KNDC1: variants seen among roughly 807,000 people sequenced by gnomAD.
KNDC1 encodes the protein kinase non-catalytic C-lobe domain-containing protein 1.
Under a neutral mutation model 172.8 loss-of-function variants are expected in KNDC1, and 106 were observed. The observed-to-expected ratio is 0.61, with a 90% CI of 0.52 to 0.72. The LOEUF (loss-of-function observed/expected upper bound fraction) is 0.72. Among genes scored for constraint, KNDC1 ranks in the 30% least tolerant of loss-of-function variants. The pLI is 0.00. For missense variants in KNDC1, 2,325 were observed against 2,394.5 expected (o/e 0.97, Z 0.61); for synonymous variants, 1,083 against 1,062.2 (o/e 1.02, Z -0.38).
rs1333690348 is a variant in KNDC1, at chr10:133,226,136, A to G, written c.*1246A>G. The G allele has an allele frequency of 2.0e-5, 3 of 152,226 alleles. No homozygotes were observed. Among genetic ancestry groups the G allele is most frequent in the Admixed American group, 6.5e-5 (1 of 15,286 alleles). 9.4% of individuals were successfully genotyped at this position (152,226 alleles called of 1,614,324 possible). On this transcript the variant is annotated 3_prime_UTR_variant, in exon 30 of 30. Coordinates refer to ENST00000304613, the MANE Select transcript of KNDC1 (RefSeq NM_152643.8). ...GTTTTCCCACATAAATTCACCGGAG[A>G]CATCCGGGCCCCGCTTCGATGTAAC...
Position 133,201,614 on chromosome 10 carries a change from C to G in KNDC1, c.3103C>G (p.Arg1035Gly). The G allele has an allele frequency of 6.2e-7, 1 of 1,613,094 alleles. No individual in the cohort carries two copies. The highest frequency in any genetic ancestry group is 8.5e-7 in the Non-Finnish European group (1 of 1,179,978). The change falls in exon 17 of 30, where the codon CGG (arginine) becomes GGG (glycine). Residue 1035 changes from arginine (R) to glycine (G), a missense_variant. Physicochemically the swap from Arg to Gly is moderately radical, Grantham distance 125. Coordinates refer to ENST00000304613, the MANE Select transcript of KNDC1 (RefSeq NM_152643.8). The stretch of plus-strand genomic sequence containing the variant: ...ACGGGGAAACTTCGAGGTGGGGTTT[C>G]GGCCTCAGAGGTCCGTAAAAGCCGA... ...LSRGNFEVGF[R>G]PQRSVKAERA...
Position 133,167,470 on chromosome 10 carries a change from G to A in KNDC1, c.192G>A (p.Leu64=). 1 of 1,606,766 alleles carries A rather than the reference G, an allele frequency of 6.2e-7. No individual in the cohort carries two copies. Among genetic ancestry groups the A allele is most frequent in the Non-Finnish European group, 8.5e-7 (1 of 1,177,580 alleles). The change falls in exon 2 of 30, where the codon CTG becomes CTA. Residue 64 remains leucine (L), a synonymous_variant. Coordinates refer to ENST00000304613, the MANE Select transcript of KNDC1 (RefSeq NM_152643.8). ...EAWAVCLECS[L]SMRSVAHAAI... is the part of the protein sequence containing the mutation. Reference sequence around the variant, plus strand: ...GGGCCGTGTGCCTGGAGTGCAGCCTGTCCATGCGGAGCGTGGCCCACGCCG... The same window carrying A: ...GGGCCGTGTGCCTGGAGTGCAGCCTATCCATGCGGAGCGTGGCCCACGCCG...
At chr10:133,187,950 AC>A (rs1853968192) in intron 6 of KNDC1, among the ~76,000 whole-genome samples, 1 of 88,396 alleles carries the variant, frequency 1.1e-5, no homozygotes. Context: ...ACCCCGTCCC[AC>A]CCTTCCCCTC....
rs985679785 is a variant in KNDC1, at chr10:133,199,561, C to T, written c.2862C>T (p.Asn954=). The T allele has an allele frequency of 6.8e-6, 11 of 1,613,732 alleles. No individual in the cohort carries two copies. Among genetic ancestry groups the T allele is most frequent in the Non-Finnish European group, 9.3e-6 (11 of 1,180,010 alleles). ...DLYWDEKLLQ[N]LFKVVNGQAS... is the part of the protein sequence containing the mutation. ...ACTGGGATGAGAAGTTGCTGCAGAACCTCTTTAAGGTGGTCAACGGGCAGG... is the reference window on the plus strand; with the variant it reads ...ACTGGGATGAGAAGTTGCTGCAGAATCTCTTTAAGGTGGTCAACGGGCAGG... The change falls in exon 15 of 30, where the codon AAC becomes AAT. Residue 954 remains asparagine, a synonymous_variant. Coordinates refer to ENST00000304613, the MANE Select transcript of KNDC1 (RefSeq NM_152643.8).
chr10:133,187,392 G>T (rs1214219018), intron 6 of KNDC1, among the ~76,000 whole-genome samples: 1 of 152,238 alleles, frequency 6.6e-6, no homozygotes, highest in Non-Finnish European at 1.5e-5. Flanking sequence ...GCCCTCCTTG[G>T]CTCCTCAGTG....
chr10:133,174,678 G>A lies in KNDC1; in HGVS notation c.360+6366G>A, dbSNP rs1447142096. Among the ~76,000 whole-genome samples, 3 of 151,914 alleles carry A rather than the reference G, an allele frequency of 2.0e-5. No individual in the cohort carries two copies. The East Asian group carries it at 5.8e-4, about 29-fold the overall frequency. On this transcript the variant is annotated intron_variant, in intron 3 of 29. Coordinates refer to ENST00000304613, the MANE Select transcript of KNDC1 (RefSeq NM_152643.8). ...TGAATGGACAGATGATGGTGGATATGTGGATGGATGGGTGGGTAGATAGGT... is the reference window on the plus strand; with the variant it reads ...TGAATGGACAGATGATGGTGGATATATGGATGGATGGGTGGGTAGATAGGT...
chr10:133,211,439 C>T lies in KNDC1; in HGVS notation c.3926C>T (p.Thr1309Ile). 1.9e-6 allele frequency: 3 copies of T among 1,613,400 alleles called. No homozygotes were observed. The highest frequency in any genetic ancestry group is 2.5e-6 in the Non-Finnish European group (3 of 1,179,756). ...STLTRAHQDPTSTFTKIYRRS... is the reference protein window; with the variant it reads ...STLTRAHQDPISTFTKIYRRS... ...GTCTCCAGGGCCCACCAGGACCCCA[C>T]CTCGACCTTCACCAAGATCTACAGG... The change falls in exon 22 of 30, where the codon ACC (threonine) becomes ATC (isoleucine). Residue 1309 changes from threonine (T) to isoleucine (I), a missense_variant. Coordinates refer to ENST00000304613, the MANE Select transcript of KNDC1 (RefSeq NM_152643.8).
chr10:133,214,223 T>A, intron 26 of KNDC1, 101 bp downstream of exon 26: 1 of 1,278,842 alleles, frequency 7.8e-7, no homozygotes, highest in Non-Finnish European at 1.1e-6. Context: ...CCTCTCCCAA[T>A]GCAGTGAACC....
At chr10:133,221,640 C>T (rs1291129630) in intron 29 of KNDC1, among the ~76,000 whole-genome samples, 2 of 152,238 alleles carry the variant, frequency 1.3e-5, no homozygotes, top group East Asian at 3.8e-4. Context: ...CTCAGCGGAC[C>T]AGGTGCCCAT....
chr10:133,179,075 A>G (rs975475506), intron 3 of KNDC1: 1 of 152,178 alleles, frequency 6.6e-6, no homozygotes, highest in Non-Finnish European at 1.5e-5. Context: ...TGATCTTATG[A>G]ATTTAAGATT....
intron 1 of KNDC1, among the ~76,000 whole-genome samples, chr10:133,165,057 C>T (rs1054682910): frequency 2.0e-4 from 30 of 152,206 alleles, no homozygotes; most frequent in Non-Finnish European, 3.8e-4. Flanking sequence ...GAGCCCTCAG[C>T]ACATGACAAG....
At position 133,186,180 on chromosome 10, in the gene KNDC1, C is replaced by A; in HGVS notation, c.832C>A (p.Leu278Met). The A allele has an allele frequency of 6.3e-7, 1 of 1,574,928 alleles. No individual in the cohort carries two copies. Reference sequence around the variant, plus strand: ...TGGCGAGAGCCACAGCCGGGAGGGGCTGGCCGGCCTCGTCCTGGATGCCGA... The same window carrying A: ...TGGCGAGAGCCACAGCCGGGAGGGGATGGCCGGCCTCGTCCTGGATGCCGA... ...RNGESHSREGLAGLVLDAERT... is the reference protein window; with the variant it reads ...RNGESHSREGMAGLVLDAERT... The change falls in exon 6 of 30, where the codon CTG becomes ATG. Residue 278 changes from leucine (L) to methionine (M), a missense_variant. By Grantham distance (15) the Leu-to-Met change is conservative. Transcript: ENST00000304613.
intron 5 of KNDC1, among the ~76,000 whole-genome samples, chr10:133,185,084 C>T (rs545181472): frequency 6.6e-6 from 1 of 152,398 alleles, no homozygotes; most frequent in Non-Finnish European, 1.5e-5. Flanking sequence ...CGAGGAGTCT[C>T]ATGGTGGCCG....
chr10:133,218,620 G>T (rs975448190), intron 26 of KNDC1, among the ~76,000 whole-genome samples: 4 of 152,134 alleles, frequency 2.6e-5, no homozygotes, highest in African/African-American at 9.7e-5. Context: ...CTTTTATTTT[G>T]TTTTATTTCA....
At chr10:133,165,098 T>G (rs1200205076) in intron 1 of KNDC1, among the ~76,000 whole-genome samples, 1 of 152,198 alleles carries the variant, frequency 6.6e-6, no homozygotes, top group Non-Finnish European at 1.5e-5. Context: ...CAGGACCCTG[T>G]GTGAGCGGAA....
At chr10:133,188,804 T>C in intron 7 of KNDC1, 151 bp downstream of exon 7, 2 of 539,718 alleles carry the variant, frequency 3.7e-6, no homozygotes, top group Non-Finnish European at 6.8e-6. Context: ...CATGCGTAAC[T>C]GGCCCCCACC....
chr10:133,210,462 C>G (rs959874278), intron 20 of KNDC1, 149 bp from the exon 21 acceptor site: 1 of 566,754 alleles, frequency 1.8e-6, no homozygotes, highest in Non-Finnish European at 3.2e-6. Flanking sequence ...TTATCCATGT[C>G]CCCCCTTTAA....
At chr10:133,179,916 C>T (rs553104345) in intron 3 of KNDC1, among the ~76,000 whole-genome samples, 3 of 152,342 alleles carry the variant, frequency 2.0e-5, no homozygotes, top group South Asian at 2.1e-4. Context: ...CAGGGCCACT[C>T]GGTGCTCCCA....
At chr10:133,181,471 A>G (rs986197382) in intron 3 of KNDC1, among the ~76,000 whole-genome samples, 1 of 152,154 alleles carries the variant, frequency 6.6e-6, no homozygotes, top group East Asian at 1.9e-4. Flanking sequence ...GGGGACAGGG[A>G]GGTGCCAGGT....
Sources: gnomAD v4.1 joint callset for allele counts (sites outside exome capture counted in the v4.1 genomes callset) on GRCh38, gnomAD v4.1.1 for gene constraint, MANE v1.5 for transcripts, NCBI Gene and HGNC (gene_info 2026-07-23, HGNC 2026-07-21) for gene names.